The following NAV3 variants were observed in gnomAD, a reference collection of about 807,000 sequenced individuals.
The protein encoded by NAV3 is pore membrane and/or filament interacting like protein 1.
In NAV3, 87 loss-of-function variants were observed where a neutral mutation model predicts 244.7. That is an observed-to-expected ratio of 0.36 (90% CI 0.30 to 0.42). The LOEUF (loss-of-function observed/expected upper bound fraction) is 0.42, where lower values mean the gene tolerates loss of function less well. NAV3 is among the 20% of genes least tolerant of loss of function. The pLI is 1.00. For missense variants in NAV3, 2,663 were observed against 2,893.3 expected (o/e 0.92, Z 1.83); for synonymous variants, 1,126 against 1,042.2 (o/e 1.08, Z -1.55).
chr12:77,623,198 A>G (rs1191220529), intron 2 of NAV3, among the ~76,000 whole-genome samples: 1 of 152,202 alleles, frequency 6.6e-6, no homozygotes, highest in Non-Finnish European at 1.5e-5. Context: ...ATTTTTCTGT[A>G]ACTGAAAAAA....
chr12:78,148,809 G>A (rs2139224017), intron 21 of NAV3, 33 bp from the exon 22 acceptor site: 1 of 1,567,560 alleles, frequency 6.4e-7, no homozygotes, highest in Middle Eastern at 1.7e-4. Context: ...AAATCTACTT[G>A]CCTATTCCAT....
At chr12:77,928,057 C>A (rs981848665) in intron 1 of NAV3, among the ~76,000 whole-genome samples, 1 of 151,640 alleles carries the variant, frequency 6.6e-6, no homozygotes, top group Non-Finnish European at 1.5e-5. Flanking sequence ...CCCATCTCTA[C>A]TAAAAATACA....
chr12:77,795,231 G>A (rs1238597844), intron 2 of NAV3, among the ~76,000 whole-genome samples: 1 of 152,136 alleles, frequency 6.6e-6, no homozygotes, highest in Non-Finnish European at 1.5e-5. Context: ...AGAAAACTTT[G>A]CTGGTCTAGA....
intron 1 of NAV3, among the ~76,000 whole-genome samples, chr12:77,868,001 G>A (rs1477724267): frequency 6.6e-6 from 1 of 152,174 alleles, no homozygotes. Context: ...TCAGGCACAT[G>A]GTCTGAATTG....
intron 12 of NAV3, among the ~76,000 whole-genome samples, chr12:78,105,013 T>G (rs1954730897): frequency 1.3e-5 from 2 of 152,106 alleles, no homozygotes; most frequent in Admixed American, 6.6e-5. Context: ...TAGGATAGAT[T>G]CCTAGAAATG....
chr12:77,985,682 G>A (rs554004679), intron 5 of NAV3, among the ~76,000 whole-genome samples: 23 of 151,796 alleles, frequency 1.5e-4, no homozygotes, highest in Non-Finnish European at 2.5e-4. Flanking sequence ...TTTATTGTAC[G>A]TAGAACAACT....
intron 2 of NAV3, among the ~76,000 whole-genome samples, chr12:77,605,340 A>G (rs2136789889): frequency 2.0e-5 from 3 of 152,258 alleles, no homozygotes; most frequent in African/African-American, 7.2e-5. Flanking sequence ...CTAATTACCT[A>G]TAAATATAAG....
chr12:77,954,603 G>C (rs975620580), intron 3 of NAV3, among the ~76,000 whole-genome samples: 7 of 152,182 alleles, frequency 4.6e-5, no homozygotes, highest in African/African-American at 1.7e-4. Flanking sequence ...TTATGACTCT[G>C]TGTAAACTTC....
At chr12:77,662,254 T>TATCTATCTATC (rs142875271) in intron 2 of NAV3, among the ~76,000 whole-genome samples, 2 of 151,846 alleles carry the variant, frequency 1.3e-5, no homozygotes, top group Admixed American at 1.3e-4. Context: ...TCTATCTATC[T>TATCTATCTATC]ATCTATCTAT....
chr12:78,147,585 AT>A (rs1236802155), intron 21 of NAV3, among the ~76,000 whole-genome samples: 2 of 149,540 alleles, frequency 1.3e-5, no homozygotes, highest in Non-Finnish European at 3.0e-5. Flanking sequence ...AGCAAATGTT[AT>A]TTTAGACTGG....
chr12:77,695,406 T>C (rs1875249504), intron 2 of NAV3, among the ~76,000 whole-genome samples: 1 of 152,170 alleles, frequency 6.6e-6, no homozygotes, highest in African/African-American at 2.4e-5. Context: ...TTGAAGAGAC[T>C]GTCTTTTCCC....
chr12:77,695,542 G>T (rs1299728136), intron 2 of NAV3, among the ~76,000 whole-genome samples: 1 of 152,066 alleles, frequency 6.6e-6, no homozygotes, highest in Admixed American at 6.6e-5. Flanking sequence ...ATGCTGTTTT[G>T]GTTACTGTAG....
At chr12:77,655,530 G>A (rs530312053) in intron 2 of NAV3, among the ~76,000 whole-genome samples, 1 of 152,186 alleles carries the variant, frequency 6.6e-6, no homozygotes, top group South Asian at 2.1e-4. Context: ...GGAAAACAAT[G>A]TGCAGGATAT....
At chr12:78,029,751 A>G (rs189659288) in intron 9 of NAV3, among the ~76,000 whole-genome samples, 5 of 152,228 alleles carry the variant, frequency 3.3e-5, no homozygotes, top group African/African-American at 1.2e-4. Flanking sequence ...TGGCAATGCT[A>G]CTGTGCTGCT....
intron 1 of NAV3, among the ~76,000 whole-genome samples, chr12:77,915,410 T>C (rs537942479): frequency 6.6e-6 from 1 of 152,112 alleles, no homozygotes; most frequent in African/African-American, 2.4e-5. Context: ...TCTTCTTGTA[T>C]AGCCCTCCAG....
chr12:78,050,652 T>C, intron 10 of NAV3, 112 bp from the exon 11 acceptor site: 1 of 1,093,386 alleles, frequency 9.1e-7, no homozygotes, highest in Non-Finnish European at 1.3e-6. Context: ...TTCGGGAAGA[T>C]GACGTGTTTA....
intron 2 of NAV3, among the ~76,000 whole-genome samples, chr12:77,795,170 A>C (rs1440338207): frequency 6.6e-6 from 1 of 152,216 alleles, no homozygotes; most frequent in Non-Finnish European, 1.5e-5. Flanking sequence ...GTAGCAATTA[A>C]AAATGCTACT....
intron 9 of NAV3, among the ~76,000 whole-genome samples, chr12:78,023,563 A>T (rs1877505168): frequency 6.6e-6 from 1 of 152,188 alleles, no homozygotes; most frequent in Admixed American, 6.5e-5. Flanking sequence ...GTACAGTGAG[A>T]CTTGTCTAAT....
intron 2 of NAV3, among the ~76,000 whole-genome samples, chr12:77,690,459 G>A (rs1442244790): frequency 1.3e-5 from 2 of 151,582 alleles, no homozygotes; most frequent in African/African-American, 4.8e-5. Flanking sequence ...AAAATGTTTT[G>A]GCACTTTGTA....
Sources: allele counts gnomAD v4.1 joint callset (sites outside exome capture counted in the v4.1 genomes callset), GRCh38; gene constraint gnomAD v4.1.1; transcripts MANE v1.5; gene names NCBI Gene and HGNC (gene_info 2026-07-23, HGNC 2026-07-21).